TTC23: variants seen among roughly 807,000 people sequenced by gnomAD.
TTC23 encodes the protein tetratricopeptide repeat domain 23, also known as tetratricopeptide repeat protein 23.
A neutral mutation model predicts 55.1 loss-of-function variants in TTC23; 58 were observed. The observed-to-expected ratio is 1.05, with a 90% CI of 0.85 to 1.31. The LOEUF is 1.31. Ranked by LOEUF, TTC23 falls within the 50% of genes most tolerant of loss-of-function variation. TTC23 has a pLI of 0.00. For synonymous variants in TTC23, 203 were observed against 199.9 expected, an observed-to-expected ratio of 1.02 and a Z score of -0.13; for missense variants, 516 against 534.4, an observed-to-expected ratio of 0.97 and a Z score of 0.34.
At chr15:99,222,964 T>C (rs566410527) in intron 5 of TTC23, among the ~76,000 whole-genome samples, 194 of 152,286 alleles carry the variant, frequency 1.3e-3, no homozygotes, top group African/African-American at 4.5e-3. Context: ...GCCACTGCAT[T>C]CCAGCCTGGG....
In TTC23 at chr15:99,147,225, CTTTT is replaced by C. The variant is rs58503901; in HGVS notation, c.1144-7830_1144-7827del. 5.6e-3 allele frequency among the ~76,000 whole-genome samples: 625 copies of C among 112,574 alleles called. 17 individuals are homozygous for C. The highest frequency in any genetic ancestry group is 0.021 in the African/African-American group (550 of 25,614). The allele number at this position is 112,574 out of a possible 152,430, so 73.9% of individuals were successfully genotyped here. A position where few individuals can be genotyped will look rare whatever the true frequency, so the allele number is the denominator to read the frequency against. ...CAGCGCTGGGCCTCCAAATTCATTC[CTTTT>C]TTTTTTTTTTTTTTGAGACAGAGTC... is the stretch of plus-strand genomic sequence containing the variant. On this transcript the variant is annotated intron_variant, in intron 12 of 13. Coordinates refer to ENST00000394132, the MANE Select transcript of TTC23 (RefSeq NM_001288615.3).
intron 3 of TTC23, among the ~76,000 whole-genome samples, chr15:99,238,987 A>G (rs934397219): frequency 2.0e-5 from 3 of 152,202 alleles, no homozygotes; most frequent in African/African-American, 7.2e-5. Flanking sequence ...CTAGGGGGAA[A>G]GTAAAATGCT....
At chr15:99,222,912 G>A (rs1157231192) in intron 5 of TTC23, among the ~76,000 whole-genome samples, 1 of 152,184 alleles carries the variant, frequency 6.6e-6, no homozygotes, top group African/African-American at 2.4e-5. Flanking sequence ...CAGGAGAATG[G>A]TGTGAACCCG....
Position 99,225,455 on chromosome 15 carries a change from C to T in TTC23, c.180+3078G>A, listed in dbSNP as rs557055119. Among the ~76,000 whole-genome samples the T allele has an allele frequency of 2.4e-4, 36 of 152,194 alleles. No individual in the cohort carries two copies. In the South Asian group the frequency reaches 2.7e-3, roughly 11 times the overall value. The stretch of plus-strand genomic sequence containing the variant: ...GAGATGATTTACCAGCAAGTGGTAG[C>T]GCCAGGAAGTGGTTAAACCGTAAGG... On this transcript the variant is annotated intron_variant, in intron 5 of 13. Coordinates refer to ENST00000394132, the MANE Select transcript of TTC23 (RefSeq NM_001288615.3).
intron 8 of TTC23, among the ~76,000 whole-genome samples, chr15:99,203,235 T>A (rs1469969983): frequency 2.6e-5 from 4 of 152,010 alleles, no homozygotes; most frequent in African/African-American, 9.7e-5. Context: ...TCACCAAAAG[T>A]AAGAACGCAT....
At chr15:99,171,559 C>CTTTTTTTTTTTTTTTTTTTTTTT (rs35676358) in intron 10 of TTC23, among the ~76,000 whole-genome samples, 1 of 92,302 alleles carries the variant, frequency 1.1e-5, no homozygotes. Context: ...GTCTCTCCGT[C>CTTTTTTTTTTTTTTTTTTTTTTT]TTTTTTTTTT....
chr15:99,200,187 G>C (rs1209650262), intron 8 of TTC23, 91 bp from the exon 9 acceptor site: 2 of 1,180,674 alleles, frequency 1.7e-6, no homozygotes, highest in Non-Finnish European at 2.3e-6. Context: ...GTGACTCTTT[G>C]ATCCCTGGTG....
At chr15:99,219,812 C>T (rs945786856) in intron 6 of TTC23, among the ~76,000 whole-genome samples, 2 of 152,070 alleles carry the variant, frequency 1.3e-5, no homozygotes, top group South Asian at 2.1e-4. Context: ...TACACACAGC[C>T]CCCATCTTAT....
At chr15:99,187,008 G>C (rs2074728836) in intron 9 of TTC23, among the ~76,000 whole-genome samples, 1 of 151,806 alleles carries the variant, frequency 6.6e-6, no homozygotes, top group Non-Finnish European at 1.5e-5. Context: ...ATAGCCAAAA[G>C]AATCTTAAAA....
At chr15:99,164,902 C>G (rs2071855526) in intron 10 of TTC23, among the ~76,000 whole-genome samples, 1 of 152,142 alleles carries the variant, frequency 6.6e-6, no homozygotes, top group Non-Finnish European at 1.5e-5. Context: ...AGAGCAGGCT[C>G]TGGGCTTGCA....
chr15:99,217,163 C>T (rs921554724), intron 8 of TTC23, among the ~76,000 whole-genome samples: 2 of 147,826 alleles, frequency 1.4e-5, no homozygotes, highest in East Asian at 2.0e-4. Flanking sequence ...TTTTTCTCTT[C>T]TTTTTTTTTT....
chr15:99,147,351 G>A (rs868914666), intron 12 of TTC23, among the ~76,000 whole-genome samples: 3 of 147,156 alleles, frequency 2.0e-5, no homozygotes, highest in African/African-American at 5.0e-5. Context: ...TCAGCCTCCC[G>A]AGTAGCTGGG....
At chr15:99,164,384 C>G (rs559371237) in intron 10 of TTC23, among the ~76,000 whole-genome samples, 35 of 152,220 alleles carry the variant, frequency 2.3e-4, no homozygotes, top group African/African-American at 7.9e-4. Context: ...GTTTGCTGCC[C>G]CTACCCTACA....
chr15:99,247,436 C>T (rs960018952), intron 1 of TTC23, among the ~76,000 whole-genome samples: 1 of 152,076 alleles, frequency 6.6e-6, no homozygotes, highest in African/African-American at 2.4e-5. Flanking sequence ...ACAATTAGTA[C>T]AATTAAACAC....
chr15:99,246,056 C>T (rs565723074), intron 1 of TTC23, among the ~76,000 whole-genome samples: 3 of 152,140 alleles, frequency 2.0e-5, no homozygotes, highest in East Asian at 3.9e-4. Context: ...GTGATCCACC[C>T]GACTTGGCCT....
At chr15:99,246,619 A>T (rs2080262587) in intron 1 of TTC23, among the ~76,000 whole-genome samples, 1 of 151,728 alleles carries the variant, frequency 6.6e-6, no homozygotes, top group African/African-American at 2.4e-5. Context: ...CGTGTCAAAA[A>T]AAAAAAAATT....
chr15:99,187,478 A>AAAAAAAAAAAG (rs55638903), intron 9 of TTC23, among the ~76,000 whole-genome samples: 1 of 149,422 alleles, frequency 6.7e-6, no homozygotes, highest in African/African-American at 2.5e-5. Flanking sequence ...ACAAAACAAA[A>AAAAAAAAAAAG]GAAACCCAAC....
At chr15:99,139,888 G>T (rs2068028629) in intron 12 of TTC23, 2 of 554,656 alleles carry the variant, frequency 3.6e-6, no homozygotes, top group African/African-American at 2.0e-5. Flanking sequence ...GACTACCCAG[G>T]GCTGGCTTTG....
At chr15:99,235,530 C>A (rs1847029994) in intron 3 of TTC23, among the ~76,000 whole-genome samples, 1 of 151,924 alleles carries the variant, frequency 6.6e-6, no homozygotes, top group African/African-American at 2.4e-5. Flanking sequence ...ACCACCACGC[C>A]CAGCTAATTT....
Sources: gnomAD v4.1 joint callset for allele counts (sites outside exome capture counted in the v4.1 genomes callset) on GRCh38, gnomAD v4.1.1 for gene constraint, MANE v1.5 for transcripts, NCBI Gene and HGNC (gene_info 2026-07-23, HGNC 2026-07-21) for gene names.